The following DYRK1A variants were observed in gnomAD, a reference collection of about 807,000 sequenced individuals.
DYRK1A encodes dual specificity tyrosine phosphorylation regulated kinase 1A.
DYRK1A carries 9 observed loss-of-function variants against 79.7 expected under a neutral mutation model. The ratio of observed to expected loss-of-function variants is 0.11; its 90% CI spans 0.07 to 0.20. The LOEUF is 0.20. Ranked by LOEUF, DYRK1A falls within the 10% of genes least tolerant of loss-of-function variation. The pLI is 1.00. For synonymous variants in DYRK1A, 349 were observed against 329.7 expected (o/e 1.06, Z -0.63); for missense variants, 622 against 956.0 (o/e 0.65, Z 4.61).
chr21:37,486,789 A>G, intron 6 of DYRK1A, 175 bp downstream of exon 6: 1 of 523,866 alleles, frequency 1.9e-6, no homozygotes. Context: ...GTAATAGTCT[A>G]AATCTTGGGG....
chr21:37,401,576 G>C (rs752279047), intron 1 of DYRK1A, among the ~76,000 whole-genome samples: 1 of 150,316 alleles, frequency 6.7e-6, no homozygotes, highest in Non-Finnish European at 1.5e-5. Flanking sequence ...TGCGCCTCCT[G>C]GGTTCAAGCA....
intron 5 of DYRK1A, chr21:37,481,234 C>T (rs1037071771): frequency 6.5e-6 from 1 of 153,484 alleles, no homozygotes; most frequent in Non-Finnish European, 1.4e-5. Flanking sequence ...GGAGTCCACT[C>T]ACTTTTCAGG....
At chr21:37,369,815 G>A (rs2049394619) in intron 1 of DYRK1A, among the ~76,000 whole-genome samples, 1 of 152,224 alleles carries the variant, frequency 6.6e-6, no homozygotes, top group Non-Finnish European at 1.5e-5. Flanking sequence ...CTAAGTATAA[G>A]ATCATCTCTT....
rs2053148979 is a variant in DYRK1A at position 37,493,054 on chromosome 21, C to T, written c.962C>T (p.Pro321Leu). Residue 321 changes from proline to leucine, a missense_variant, in exon 8 of 12, where the codon CCA becomes CTA. Physicochemically the swap from Pro to Leu is moderately conservative, Grantham distance 98 (BLOSUM62 -3). Around this residue, in one of 5 missense-constraint regions of DYRK1A, gnomAD observed 138 missense variants for 346.4 expected, o/e 0.40. Coordinates refer to ENST00000647188, the MANE Select transcript of DYRK1A (RefSeq NM_001347721.2). ...QYIQSRFYRSPEVLLGMPYDL... is the reference protein window; with the variant it reads ...QYIQSRFYRSLEVLLGMPYDL... Reference sequence around the variant, plus strand: ...ATTCAGAGTCGCTTTTATCGGTCTCCAGAGGTGCTACTGGGAATGCCTTAT... The same window carrying T: ...ATTCAGAGTCGCTTTTATCGGTCTCTAGAGGTGCTACTGGGAATGCCTTAT... The T allele has an allele frequency of 1.9e-6, 3 of 1,612,440 alleles. No individual in the cohort carries two copies.
At chr21:37,453,083 C>T (rs1171204519) in intron 2 of DYRK1A, among the ~76,000 whole-genome samples, 1 of 152,072 alleles carries the variant, frequency 6.6e-6, no homozygotes, top group Non-Finnish European at 1.5e-5. Context: ...TGCACTCCAG[C>T]CTGGGTGACG....
rs2053913145 is a variant in DYRK1A, at chr21:37,519,446, T to A, written c.*6915T>A. 6.6e-6 allele frequency: 1 copy of A among 152,246 alleles called. No individual in the cohort carries two copies. Among genetic ancestry groups the A allele is most frequent in the South Asian group, 2.1e-4 (1 of 4,832 alleles). The allele number at this position is 152,246 out of a possible 1,614,324, so 9.4% of individuals were successfully genotyped here. A position where few individuals can be genotyped will look rare whatever the true frequency, so the allele number is the denominator to read the frequency against. On this transcript the variant is annotated 3_prime_UTR_variant, in exon 12 of 12. Transcript: ENST00000647188. The stretch of plus-strand genomic sequence containing the variant: ...CTGTGCATGCCTCAGTGAGGTAATG[T>A]CCGCAGAAAGCACAATGCCTAGTAT...
At chr21:37,412,020 A>G (rs1276538107) in intron 1 of DYRK1A, among the ~76,000 whole-genome samples, 1 of 152,220 alleles carries the variant, frequency 6.6e-6, no homozygotes, top group African/African-American at 2.4e-5. Context: ...CTTTTCACCA[A>G]GTAGTAGATA....
intron 2 of DYRK1A, among the ~76,000 whole-genome samples, chr21:37,423,367 C>T (rs2050528862): frequency 6.6e-6 from 1 of 152,122 alleles, no homozygotes; most frequent in Admixed American, 6.6e-5. Flanking sequence ...TACCCTAACA[C>T]AACATCATTT....
intron 2 of DYRK1A, chr21:37,464,157 G>A (rs894623617): frequency 3.5e-6 from 1 of 285,932 alleles, no homozygotes; most frequent in Non-Finnish European, 7.0e-6. Context: ...TAAACTTAGG[G>A]TCTTTTCTCA....
At chr21:37,393,924 C>T (rs2049914384) in intron 1 of DYRK1A, among the ~76,000 whole-genome samples, 1 of 152,150 alleles carries the variant, frequency 6.6e-6, no homozygotes, top group Admixed American at 6.5e-5. Flanking sequence ...TTGAGGCTGC[C>T]AGGCCTTCTT....
chr21:37,508,923 C>T (rs1462810685), intron 11 of DYRK1A, among the ~76,000 whole-genome samples: 2 of 152,188 alleles, frequency 1.3e-5, no homozygotes, highest in East Asian at 3.8e-4. Context: ...TGTCTTCTTC[C>T]CTTTCTTTCT....
At chr21:37,421,621 C>T (rs955766369) in intron 2 of DYRK1A, among the ~76,000 whole-genome samples, 1 of 152,078 alleles carries the variant, frequency 6.6e-6, no homozygotes, top group Non-Finnish European at 1.5e-5. Context: ...CACATTCTGG[C>T]TGAGTTGCTC....
intron 5 of DYRK1A, among the ~76,000 whole-genome samples, chr21:37,484,086 G>A (rs763394852): frequency 5.9e-5 from 9 of 152,166 alleles, no homozygotes; most frequent in South Asian, 2.1e-4. Flanking sequence ...CAGCAGCAGC[G>A]TTAGATTCTC....
intron 2 of DYRK1A, among the ~76,000 whole-genome samples, chr21:37,438,178 A>G (rs1284674229): frequency 6.6e-6 from 1 of 151,892 alleles, no homozygotes; most frequent in Non-Finnish European, 1.5e-5. Flanking sequence ...TTTTTCGGTT[A>G]TTGAGCTTTT....
At chr21:37,429,594 A>G (rs181823177) in intron 2 of DYRK1A, among the ~76,000 whole-genome samples, 148 of 152,256 alleles carry the variant, frequency 9.7e-4, no homozygotes, top group Non-Finnish European at 1.9e-3. Flanking sequence ...TGAGAATAGC[A>G]AGGGGGAGGT....
In DYRK1A at chr21:37,383,832, GGTGTAT is replaced by G. The variant is rs369392354; in HGVS notation, c.-77+16209_-77+16214del. 9.3e-3 allele frequency among the ~76,000 whole-genome samples: 1,071 copies of G among 115,530 alleles called. 13 individuals are homozygous for G. Among genetic ancestry groups the G allele is most frequent in the African/African-American group, 0.042 (1,028 of 24,192 alleles). 75.8% of individuals were successfully genotyped at this position (115,530 alleles called of 152,430 possible). ...AAGATGGGGTGATGTGATAGGTAAT[GGTGTAT>G]GTGTGTGTGTGTGTGTGTGTGTAGT... On this transcript the variant is annotated intron_variant, in intron 1 of 11. Coordinates refer to ENST00000647188, the MANE Select transcript of DYRK1A (RefSeq NM_001347721.2).
At chr21:37,473,959 A>G (rs2052313970) in intron 3 of DYRK1A, among the ~76,000 whole-genome samples, 1 of 152,216 alleles carries the variant, frequency 6.6e-6, no homozygotes, top group Non-Finnish European at 1.5e-5. Context: ...AAATCTAATA[A>G]TAATAACACG....
At chr21:37,449,799 C>T (rs1202386345) in intron 2 of DYRK1A, among the ~76,000 whole-genome samples, 1 of 152,156 alleles carries the variant, frequency 6.6e-6, no homozygotes, top group Non-Finnish European at 1.5e-5. Context: ...GAGGTGATGG[C>T]CCGCATTCTT....
At position 37,467,112 on chromosome 21, in the gene DYRK1A, A is replaced by C. The variant is rs528626542; in HGVS notation, c.11-5572A>C. Among the ~76,000 whole-genome samples the C allele has an allele frequency of 1.7e-3, 252 of 150,992 alleles. 1 individual carries two copies. Among genetic ancestry groups the C allele is most frequent in the African/African-American group, 5.8e-3 (236 of 40,544 alleles). On this transcript the variant is annotated intron_variant, in intron 2 of 11. Transcript: ENST00000647188. ...GTCTTTGGGATTTACAAAAGAAAAAAAAAAAAAAACAAAACAAAAAAACGG... is the reference window on the plus strand; with the variant it reads ...GTCTTTGGGATTTACAAAAGAAAAACAAAAAAAAACAAAACAAAAAAACGG...
Sources: allele counts gnomAD v4.1 joint callset (sites outside exome capture counted in the v4.1 genomes callset), GRCh38; gene constraint gnomAD v4.1.1; regional missense constraint gnomAD v4.1.1; transcripts MANE v1.5; gene names NCBI Gene and HGNC (gene_info 2026-07-23, HGNC 2026-07-21).